The following DNAAF8 variants were observed in gnomAD, a reference collection of about 807,000 sequenced individuals.
DNAAF8 encodes the protein dynein axonemal assembly factor 8.
Under a neutral mutation model 54.6 loss-of-function variants are expected in DNAAF8, and 61 were observed. That is an observed-to-expected ratio of 1.12 (90% CI 0.91 to 1.38). The LOEUF (loss-of-function observed/expected upper bound fraction) is 1.38. DNAAF8 is among the 40% of genes most tolerant of loss of function. The pLI is 0.00. For synonymous variants in DNAAF8, 320 were observed against 270.1 expected, an observed-to-expected ratio of 1.18 and a Z score of -1.81; for missense variants, 837 against 665.0, an observed-to-expected ratio of 1.26 and a Z score of -2.85.
chr16:4,747,494 C>A lies in DNAAF8; in HGVS notation c.1432C>A (p.His478Asn), dbSNP rs1471011310. Reference protein sequence around the residue: ...TAGSRTGRKQHMKLCAKGQSA... With the variant: ...TAGSRTGRKQNMKLCAKGQSA... Reference sequence around the variant, plus strand: ...TGGATCACGAACTGGGAGGAAGCAACACATGAAGCTCTGTGCCAAGGGGCA... The same window carrying A: ...TGGATCACGAACTGGGAGGAAGCAAAACATGAAGCTCTGTGCCAAGGGGCA... The change falls in exon 9 of 10, where the codon CAC becomes AAC. Residue 478 changes from histidine (H) to asparagine (N), a missense_variant. Transcript: ENST00000299320. 6.2e-7 allele frequency: 1 copy of A among 1,613,320 alleles called. No individual in the cohort carries two copies. Among genetic ancestry groups the A allele is most frequent in the Non-Finnish European group, 8.5e-7 (1 of 1,180,004 alleles).
chr16:4,740,355 G>T lies in DNAAF8; in HGVS notation c.479G>T (p.Gly160Val), dbSNP rs765932395. Residue 160 changes from glycine (G) to valine (V), a missense_variant, in exon 4 of 10, where the codon GGA becomes GTA. Transcript: ENST00000299320. ...DLGSLSFNTK[G>V]SQGPPWDPQA... ...GGAAGCCTGTCTTTCAACACCAAAGGATCCCAGGGTCCTCCCTGGGACCCA... is the reference window on the plus strand; with the variant it reads ...GGAAGCCTGTCTTTCAACACCAAAGTATCCCAGGGTCCTCCCTGGGACCCA... 1.2e-6 allele frequency: 2 copies of T among 1,613,698 alleles called. No homozygotes were observed. The highest frequency in any genetic ancestry group is 3.3e-5 in the Admixed American group (2 of 59,970).
intron 4 of DNAAF8, among the ~76,000 whole-genome samples, chr16:4,742,246 A>G (rs985335618): frequency 6.6e-6 from 1 of 152,072 alleles, no homozygotes; most frequent in South Asian, 2.1e-4. Flanking sequence ...GAACCTAAAT[A>G]GTGTTTCTGA....
intron 1 of DNAAF8, chr16:4,735,357 C>G (rs147225700): frequency 0.01 from 1,586 of 152,370 alleles, 109 homozygotes; most frequent in Admixed American, 0.091. Flanking sequence ...GCTCCCAGTT[C>G]AGAGTGCACC....
In DNAAF8 at chr16:4,740,447, C is replaced by T; in HGVS notation, c.571C>T (p.Gln191Ter). The T allele has an allele frequency of 1.2e-6, 2 of 1,613,994 alleles. No individual in the cohort carries two copies. Among genetic ancestry groups the T allele is most frequent in the Non-Finnish European group, 1.7e-6 (2 of 1,179,950 alleles). ...PKAEPLSTAS[Q>*]ESVNRRALRQ... ...GGCAGAGCCCCTCAGCACTGCCTCA[C>T]AAGAATCTGTGAACCGCCGGGCCCT... The change falls in exon 4 of 10, where the codon CAA becomes TAA. Residue 191 changes from glutamine (Q) to a stop codon, truncating the protein, a stop_gained. Transcript: ENST00000299320. LOFTEE classifies it high-confidence loss of function.
rs781349102 is a variant in DNAAF8, at chr16:4,740,300, G to GAGC, written c.425_427dup (p.Glu142_Pro143insGln). The GAGC allele has an allele frequency of 6.2e-6, 10 of 1,613,832 alleles. No homozygotes were observed. The highest frequency in any genetic ancestry group is 1.7e-5 in the Admixed American group (1 of 59,984). ...CAGCGCTCTTCTTGGGATGGCCGAG[G>GAGC]AGCCCCCCAGGTGGCTGGAAGGCGA... is the stretch of plus-strand genomic sequence containing the variant. On this transcript the variant is annotated inframe_insertion, in exon 4 of 10. Transcript: ENST00000299320.
In DNAAF8 at chr16:4,740,915, C is replaced by T. The variant is rs555751243; in HGVS notation, c.783+256C>T. 3.9e-5 allele frequency among the ~76,000 whole-genome samples: 6 copies of T among 152,044 alleles called. No individual in the cohort carries two copies. In the East Asian group the frequency reaches 7.7e-4, roughly 20 times the overall value. On this transcript the variant is annotated intron_variant, in intron 4 of 9. Transcript: ENST00000299320. ...AGAGAGAAAAGGAGGCCAGGCACAGCGGCTCGCACCTGTAATCCCAGCACT... is the reference window on the plus strand; with the variant it reads ...AGAGAGAAAAGGAGGCCAGGCACAGTGGCTCGCACCTGTAATCCCAGCACT...
intron 6 of DNAAF8, among the ~76,000 whole-genome samples, chr16:4,745,938 G>A (rs370692264): frequency 7.4e-6 from 1 of 134,240 alleles, no homozygotes; most frequent in Admixed American, 8.2e-5. Context: ...GGGCGACAGA[G>A]CAAGACTCTG....
At chr16:4,744,640 C>T (rs1173874740) in intron 5 of DNAAF8, among the ~76,000 whole-genome samples, 1 of 130,998 alleles carries the variant, frequency 7.6e-6, no homozygotes, top group African/African-American at 2.8e-5. Context: ...CCTACTTCAC[C>T]AAGCCCTTGT....
At chr16:4,744,785 C>T in intron 5 of DNAAF8, 85 bp from the exon 6 acceptor site, 1 of 1,482,046 alleles carries the variant, frequency 6.7e-7, no homozygotes, top group Non-Finnish European at 9.2e-7. Context: ...CATGTGGAGA[C>T]CCCAGGGGTC....
intron 6 of DNAAF8, among the ~76,000 whole-genome samples, chr16:4,745,931 C>T (rs537943185): frequency 1.5e-5 from 2 of 136,062 alleles, no homozygotes; most frequent in Admixed American, 8.2e-5. Context: ...CCAGCCTGGG[C>T]GACAGAGCAA....
At position 4,740,454 on chromosome 16, in the gene DNAAF8, C is replaced by G; in HGVS notation, c.578C>G (p.Ser193Cys). The G allele has an allele frequency of 1.2e-6, 2 of 1,614,028 alleles. No homozygotes were observed. Among genetic ancestry groups the G allele is most frequent in the Non-Finnish European group, 1.7e-6 (2 of 1,179,960 alleles). Residue 193 changes from serine to cysteine, a missense_variant, in exon 4 of 10, where the codon TCT becomes TGT. Physicochemically the swap from Ser to Cys is moderately radical, Grantham distance 112. Transcript: ENST00000299320. ...AEPLSTASQE[S>C]VNRRALRQER... ...CCCCTCAGCACTGCCTCACAAGAAT[C>G]TGTGAACCGCCGGGCCCTCCGACAG...
chr16:4,746,144 C>T (rs1317009763), intron 6 of DNAAF8: 3 of 470,324 alleles, frequency 6.4e-6, no homozygotes, highest in Non-Finnish European at 7.5e-6. Flanking sequence ...GCTACACTTA[C>T]CACAGATAGA....
At chr16:4,738,387 A>G (rs899690089) in intron 3 of DNAAF8, among the ~76,000 whole-genome samples, 1 of 152,232 alleles carries the variant, frequency 6.6e-6, no homozygotes, top group African/African-American at 2.4e-5. Context: ...TACAGGCTAC[A>G]GTGGGGAGTG....
chr16:4,742,004 C>T lies in DNAAF8; in HGVS notation c.784-1039C>T, dbSNP rs543156891. 1.1e-4 allele frequency among the ~76,000 whole-genome samples: 16 copies of T among 152,288 alleles called. No individual in the cohort carries two copies. In the East Asian group the frequency reaches 2.9e-3, roughly 28 times the overall value. ...AAGTCATCTTTACTACTGTTTAAAT[C>T]AACCGTTCTTTCTGCTCACCTAAAA... is the stretch of plus-strand genomic sequence containing the variant. On this transcript the variant is annotated intron_variant, in intron 4 of 9. Coordinates refer to ENST00000299320, the MANE Select transcript of DNAAF8 (RefSeq NM_139170.3).
rs758119561 is a variant in DNAAF8 at position 4,747,379 on chromosome 16, C to CA, written c.1318dup (p.Arg440LysfsTer27). The CA allele has an allele frequency of 6.2e-7, 1 of 1,607,590 alleles. No homozygotes were observed. Among genetic ancestry groups the CA allele is most frequent in the Non-Finnish European group, 8.5e-7 (1 of 1,176,340 alleles). On this transcript the variant is annotated frameshift_variant, in exon 9 of 10. Transcript: ENST00000299320. LOFTEE classifies it high-confidence loss of function. Reference sequence around the variant, plus strand: ...GGAAAAGCCAGCTTCTCCAGCAGCTCAGGGCCTTTCAGAAGGGGACAGCCC... The same window carrying CA: ...GGAAAAGCCAGCTTCTCCAGCAGCTCAAGGGCCTTTCAGAAGGGGACAGCCC...
chr16:4,745,729 TCA>T, intron 6 of DNAAF8, among the ~76,000 whole-genome samples: 1 of 152,104 alleles, frequency 6.6e-6, no homozygotes, highest in Admixed American at 6.5e-5. Context: ...GGCAGGCAGA[TCA>T]CCTGATGTCA....
At chr16:4,739,262 C>CTTTTTTTTTTTTTTTTTTTTTT (rs1596482355) in intron 3 of DNAAF8, among the ~76,000 whole-genome samples, 1 of 36,230 alleles carries the variant, frequency 2.8e-5, no homozygotes, top group Non-Finnish European at 7.0e-5. Context: ...ATGATTTTTT[C>CTTTTTTTTTTTTTTTTTTTTTT]TTGTTTTTTT....
chr16:4,739,568 GGA>G (rs2081937790), intron 3 of DNAAF8, among the ~76,000 whole-genome samples: 1 of 140,980 alleles, frequency 7.1e-6, no homozygotes, highest in African/African-American at 2.7e-5. Context: ...TTTTTTTTTG[GGA>G]CAGGATCTTG....
intron 4 of DNAAF8, among the ~76,000 whole-genome samples, chr16:4,741,597 C>T (rs887429253): frequency 6.6e-6 from 1 of 152,044 alleles, no homozygotes; most frequent in Admixed American, 6.5e-5. Flanking sequence ...GTCAGGAGTT[C>T]GAGAGCAGCC....
Sources: gnomAD v4.1 joint callset for allele counts (sites outside exome capture counted in the v4.1 genomes callset) on GRCh38, gnomAD v4.1.1 for gene constraint, MANE v1.5 for transcripts, NCBI Gene and HGNC (gene_info 2026-07-23, HGNC 2026-07-21) for gene names.